Variants in CYSLTR2 observed in about 807,000 individuals in gnomAD.
CYSLTR2 encodes cysteinyl leukotriene receptor 2.
For missense variants in CYSLTR2, 398 were observed against 411.9 expected, an observed-to-expected ratio of 0.97 and a Z score of 0.29; for synonymous variants, 179 against 160.8, an observed-to-expected ratio of 1.11 and a Z score of -0.86.
At chr13:48,694,532 C>G (rs1210205195) in intron 3 of CYSLTR2, 4 of 152,240 alleles carry the variant, frequency 2.6e-5, no homozygotes, top group Non-Finnish European at 4.4e-5. Context: ...ACATTGCTGA[C>G]AGTTCTCAAC....
intron 1 of CYSLTR2, among the ~76,000 whole-genome samples, chr13:48,679,990 T>C (rs183682754): frequency 2.0e-5 from 3 of 151,860 alleles, no homozygotes; most frequent in Admixed American, 6.6e-5. Context: ...CTACCAGTTT[T>C]CCCCCTCTGT....
chr13:48,687,014 T>A (rs1953909746), intron 1 of CYSLTR2, among the ~76,000 whole-genome samples: 2 of 152,178 alleles, frequency 1.3e-5, no homozygotes, highest in African/African-American at 4.8e-5. Context: ...TCTAATTGGC[T>A]TGGGGCCAGA....
At chr13:48,704,755 G>C (rs1054570946) in intron 4 of CYSLTR2, among the ~76,000 whole-genome samples, 9 of 152,046 alleles carry the variant, frequency 5.9e-5, no homozygotes, top group Admixed American at 5.9e-4. Flanking sequence ...AGGGTTTCCT[G>C]TTATCTTGCT....
chr13:48,672,511 T>A (rs773477788), intron 1 of CYSLTR2, among the ~76,000 whole-genome samples: 11 of 152,124 alleles, frequency 7.2e-5, no homozygotes, highest in Non-Finnish European at 7.4e-5. Context: ...AGAATTTATT[T>A]ATTTCTGCCT....
chr13:48,661,076 A>G (rs1327628801), intron 1 of CYSLTR2, among the ~76,000 whole-genome samples: 2 of 150,670 alleles, frequency 1.3e-5, no homozygotes, highest in Non-Finnish European at 3.0e-5. Flanking sequence ...TATTAGCATT[A>G]CCCCTTTCTT....
At chr13:48,675,859 C>A (rs1953580750) in intron 1 of CYSLTR2, among the ~76,000 whole-genome samples, 1 of 152,126 alleles carries the variant, frequency 6.6e-6, no homozygotes, top group Non-Finnish European at 1.5e-5. Flanking sequence ...TAGCATCATC[C>A]CCCATGGCAC....
Position 48,708,457 on chromosome 13 carries a change from T to C in CYSLTR2, c.*599T>C, listed in dbSNP as rs186330884. 444 of 167,254 alleles carry C rather than the reference T, an allele frequency of 2.7e-3. 5 individuals are homozygous for C. The highest frequency in any genetic ancestry group is 0.02 in the South Asian group (96 of 4,822). The allele number at this position is 167,254 out of a possible 1,614,324, so 10.4% of individuals were successfully genotyped here. ...GGGGAAGGAAGAATTTCATTTTGCATTGGGAGAGAGGTTCTAACACACTGA... is the reference window on the plus strand; with the variant it reads ...GGGGAAGGAAGAATTTCATTTTGCACTGGGAGAGAGGTTCTAACACACTGA... On this transcript the variant is annotated 3_prime_UTR_variant, in exon 5 of 5. Coordinates refer to ENST00000682523, the MANE Select transcript of CYSLTR2 (RefSeq NM_001308476.3).
chr13:48,703,913 A>G (rs1416430017), intron 4 of CYSLTR2, among the ~76,000 whole-genome samples: 6 of 152,090 alleles, frequency 3.9e-5, no homozygotes, highest in Non-Finnish European at 4.4e-5. Flanking sequence ...CTTAATAGTT[A>G]TGGGGATATT....
rs1383897780 is a variant in CYSLTR2, at chr13:48,707,829, G to A, written c.1012G>A (p.Val338Met). Residue 338 changes from valine to methionine, a missense_variant, in exon 5 of 5, where the codon GTG becomes ATG. Coordinates refer to ENST00000682523, the MANE Select transcript of CYSLTR2 (RefSeq NM_001308476.3). The stretch of plus-strand genomic sequence containing the variant: ...GACAAAGTGTGTTTTCCCTGTTAGT[G>A]TGTGGTTGAGAAAGGAAACAAGAGT... ...AKTKCVFPVSVWLRKETRV is the reference protein window; with the variant it reads ...AKTKCVFPVSMWLRKETRV The A allele has an allele frequency of 6.5e-7, 1 of 1,530,716 alleles. No individual in the cohort carries two copies. Among genetic ancestry groups the A allele is most frequent in the South Asian group, 1.3e-5 (1 of 76,388 alleles). The allele number at this position is 1,530,716 out of a possible 1,614,324, so 94.8% of individuals were successfully genotyped here.
At chr13:48,704,899 A>G (rs539671365) in intron 4 of CYSLTR2, among the ~76,000 whole-genome samples, 1 of 152,330 alleles carries the variant, frequency 6.6e-6, no homozygotes, top group East Asian at 1.9e-4. Context: ...GTGAACACAT[A>G]AAAGCATAAG....
rs554865067 is a variant in CYSLTR2, at chr13:48,653,952, G to C, written c.-331G>C. 3.3e-5 allele frequency: 5 copies of C among 152,214 alleles called. No individual in the cohort carries two copies. Among genetic ancestry groups the C allele is most frequent in the African/African-American group, 1.2e-4 (5 of 41,532 alleles). The allele number at this position is 152,214 out of a possible 1,614,324, so 9.4% of individuals were successfully genotyped here. ...TTGAAATGAGCAACCTGAATTACTC[G>C]GAGGAGAAAGGCAGGAGAGATAGAG... On this transcript the variant is annotated 5_prime_UTR_variant, in exon 1 of 5. Coordinates refer to ENST00000682523, the MANE Select transcript of CYSLTR2 (RefSeq NM_001308476.3).
At chr13:48,680,843 T>G (rs1225615257) in intron 1 of CYSLTR2, among the ~76,000 whole-genome samples, 1 of 144,076 alleles carries the variant, frequency 6.9e-6, no homozygotes, top group African/African-American at 2.7e-5. Flanking sequence ...AATGTTGCAG[T>G]GTGGTGTAGT....
intron 1 of CYSLTR2, among the ~76,000 whole-genome samples, chr13:48,686,738 C>T (rs559697138): frequency 6.6e-6 from 1 of 152,308 alleles, no homozygotes; most frequent in East Asian, 1.9e-4. Context: ...CTTTGCCTTA[C>T]AAATTTAAGT....
At chr13:48,675,407 A>G (rs901238705) in intron 1 of CYSLTR2, among the ~76,000 whole-genome samples, 4 of 152,046 alleles carry the variant, frequency 2.6e-5, no homozygotes, top group African/African-American at 9.7e-5. Flanking sequence ...GGGCTCTGCC[A>G]GTTCGAACTT....
At position 48,707,456 on chromosome 13, in the gene CYSLTR2, A is replaced by G. The variant is rs1472143971; in HGVS notation, c.639A>G (p.Pro213=). 1 of 1,613,880 alleles carries G rather than the reference A, an allele frequency of 6.2e-7. No homozygotes were observed. The highest frequency in any genetic ancestry group is 1.1e-5 in the South Asian group (1 of 91,080). ...YIALVVGCLL[P]FFTLSICYLL... ...CCTTGGTGGTGGGCTGCCTGCTGCC[A>G]TTTTTCACACTCAGCATCTGTTATC... The change falls in exon 5 of 5, where the codon CCA becomes CCG. Residue 213 remains proline (P), a synonymous_variant. Transcript: ENST00000682523.
At chr13:48,693,809 T>C (rs1954097820) in intron 3 of CYSLTR2, among the ~76,000 whole-genome samples, 1 of 152,234 alleles carries the variant, frequency 6.6e-6, no homozygotes, top group Non-Finnish European at 1.5e-5. Flanking sequence ...ATCACCAACT[T>C]TAAACAAAAG....
chr13:48,688,600 T>C (rs1340317259), intron 1 of CYSLTR2, among the ~76,000 whole-genome samples: 2 of 152,252 alleles, frequency 1.3e-5, no homozygotes, highest in Non-Finnish European at 2.9e-5. Flanking sequence ...TCCTTTCTTA[T>C]GGCTGCATAG....
chr13:48,710,870 G>T lies in CYSLTR2; in HGVS notation c.*3012G>T, dbSNP rs903364154. On this transcript the variant is annotated 3_prime_UTR_variant, in exon 5 of 5. Transcript: ENST00000682523. ...GGAATGCAACTCCCACAGATAAGGG[G>T]GTGCTGCTGGAGTGAAATACTGTGA... 2 of 152,160 alleles carry T rather than the reference G, an allele frequency of 1.3e-5. No individual in the cohort carries two copies. Among genetic ancestry groups the T allele is most frequent in the East Asian group, 3.8e-4 (2 of 5,198 alleles). 9.4% of individuals were successfully genotyped at this position (152,160 alleles called of 1,614,324 possible).
intron 1 of CYSLTR2, among the ~76,000 whole-genome samples, chr13:48,674,286 T>A (rs1034820061): frequency 1.3e-5 from 2 of 152,140 alleles, no homozygotes; most frequent in African/African-American, 4.8e-5. Flanking sequence ...GGTCTTTTCA[T>A]ATAGTCACAT....
Sources: gnomAD v4.1 joint callset for allele counts (sites outside exome capture counted in the v4.1 genomes callset) on GRCh38, gnomAD v4.1.1 for gene constraint, MANE v1.5 for transcripts, NCBI Gene and HGNC (gene_info 2026-07-23, HGNC 2026-07-21) for gene names.